The following DNAH12 variants were observed in gnomAD, a reference collection of about 807,000 sequenced individuals.
DNAH12 encodes axonemal beta dynein heavy chain 12.
DNAH12 carries 285 observed loss-of-function variants against 371.5 expected under a neutral mutation model. The ratio of observed to expected loss-of-function variants is 0.77; its 90% CI spans 0.70 to 0.85. The LOEUF is 0.85. DNAH12 is among the 40% of genes least tolerant of loss of function. The pLI, the probability that DNAH12 is intolerant of heterozygous loss-of-function variation, is 0.00. For synonymous variants in DNAH12, 1,200 were observed against 1,213.0 expected (o/e 0.99, Z 0.22); for missense variants, 3,611 against 3,689.4 (o/e 0.98, Z 0.55).
At chr3:57,521,063 CAAAAAAAAAAAAAAAAAAA>C (rs61570396) in intron 4 of DNAH12, among the ~76,000 whole-genome samples, 40 of 54,476 alleles carry the variant, frequency 7.3e-4, no homozygotes, top group Middle Eastern at 0.016. Context: ...GACTCTGTCT[CAAAAAAAAAAAAAAAAAAA>C]AAAAAAAAAA....
chr3:57,329,871 A>G (rs1575461095), intron 62 of DNAH12, among the ~76,000 whole-genome samples: 1 of 152,198 alleles, frequency 6.6e-6, no homozygotes, highest in South Asian at 2.1e-4. Context: ...TACAAGAAGA[A>G]AACAAACAAC....
In DNAH12 at chr3:57,389,839, T is replaced by TATATATATATATAAAA. The variant is rs1326237791; in HGVS notation, c.7305+2032_7305+2033insTTTTATATATATATAT. On this transcript the variant is annotated intron_variant, in intron 45 of 73. Coordinates refer to ENST00000495027, the MANE Select transcript of DNAH12 (RefSeq NM_001366028.2). ...GTGTGTGTGTATATATATATATATA[T>TATATATATATATAAAA]AATACTTTTTTTTTTGAAATGGAGT... 1.9e-4 allele frequency among the ~76,000 whole-genome samples: 16 copies of TATATATATATATAAAA among 84,884 alleles called. 2 individuals carry two copies. The highest frequency in any genetic ancestry group is 1.5e-3 in the East Asian group (2 of 1,334). 55.7% of individuals were successfully genotyped at this position (84,884 alleles called of 152,430 possible). A position where few individuals can be genotyped will look rare whatever the true frequency, so the allele number is the denominator to read the frequency against.
At chr3:57,555,387 C>T in the DNAH12 span, among the ~76,000 whole-genome samples, 1 of 152,158 alleles carries the variant, frequency 6.6e-6, no homozygotes, top group South Asian at 2.1e-4. Context: ...TTCCTATTTA[C>T]TAACTAAAAA....
At chr3:57,395,067 A>C (rs952602191) in intron 43 of DNAH12, among the ~76,000 whole-genome samples, 12 of 152,194 alleles carry the variant, frequency 7.9e-5, no homozygotes, top group African/African-American at 2.2e-4. Flanking sequence ...AAAGGGAGGT[A>C]AATGCGTAAA....
intron 11 of DNAH12, among the ~76,000 whole-genome samples, chr3:57,500,154 C>T (rs549191865): frequency 1.2e-5 from 1 of 85,326 alleles, no homozygotes; most frequent in South Asian, 5.2e-4. Flanking sequence ...GATCCTACTC[C>T]TCAGCCCCCC....
chr3:57,296,295 C>A, intron 72 of DNAH12, 49 bp downstream of exon 72: 1 of 1,388,866 alleles, frequency 7.2e-7, no homozygotes, highest in Non-Finnish European at 9.8e-7. Flanking sequence ...CTTATCTTAT[C>A]TATGATTCAG....
At chr3:57,449,692 C>T (rs1338078630) in intron 25 of DNAH12, among the ~76,000 whole-genome samples, 2 of 152,194 alleles carry the variant, frequency 1.3e-5, no homozygotes, top group Non-Finnish European at 2.9e-5. Context: ...GGCCCGCAAG[C>T]GCCGCACGCA....
At chr3:57,502,218 T>G in intron 10 of DNAH12, 105 bp downstream of exon 10, 1 of 1,458,060 alleles carries the variant, frequency 6.9e-7, no homozygotes, top group South Asian at 1.3e-5. Context: ...CACTTCTGGC[T>G]CTCCCTGTTC....
chr3:57,416,747 C>T (rs1315911919), intron 37 of DNAH12, among the ~76,000 whole-genome samples: 1 of 151,914 alleles, frequency 6.6e-6, no homozygotes, highest in Non-Finnish European at 1.5e-5. Context: ...AATATTTGTC[C>T]AAAAGCAAAC....
intron 4 of DNAH12, among the ~76,000 whole-genome samples, chr3:57,511,985 T>C (rs2068016820): frequency 6.6e-6 from 1 of 151,980 alleles, no homozygotes; most frequent in African/African-American, 2.4e-5. Flanking sequence ...AAGTCTTTTA[T>C]AACTTGAGTA....
intron 69 of DNAH12, among the ~76,000 whole-genome samples, chr3:57,307,743 T>TATTC (rs2061501499): frequency 6.6e-6 from 1 of 152,180 alleles, no homozygotes; most frequent in Non-Finnish European, 1.5e-5. Flanking sequence ...CCTCCCACAT[T>TATTC]ATTCCTGATA....
At chr3:57,480,823 T>C (rs1240471166) in intron 13 of DNAH12, among the ~76,000 whole-genome samples, 3 of 152,286 alleles carry the variant, frequency 2.0e-5, no homozygotes, top group Admixed American at 2.0e-4. Context: ...AAAAACCATA[T>C]GATTATCTCA....
the DNAH12 span, among the ~76,000 whole-genome samples, chr3:57,555,571 G>C: frequency 6.6e-6 from 1 of 152,186 alleles, no homozygotes; most frequent in African/African-American, 2.4e-5. Context: ...TCCGCAGTTT[G>C]TCAGTACTAT....
chr3:57,410,109 G>T (rs549677406), intron 39 of DNAH12, among the ~76,000 whole-genome samples: 2 of 152,292 alleles, frequency 1.3e-5, no homozygotes, highest in East Asian at 3.9e-4. Context: ...GAAACTAATA[G>T]TTGAAAAGTG....
intron 29 of DNAH12, among the ~76,000 whole-genome samples, chr3:57,437,812 A>G (rs2065175764): frequency 6.6e-6 from 1 of 152,244 alleles, no homozygotes; most frequent in African/African-American, 2.4e-5. Context: ...CAGAATGCTT[A>G]GATCCCAAAA....
chr3:57,476,063 T>G (rs991736450), intron 13 of DNAH12, among the ~76,000 whole-genome samples: 1 of 152,072 alleles, frequency 6.6e-6, no homozygotes, highest in Non-Finnish European at 1.5e-5. Context: ...ATGGATACAA[T>G]ATGGAGTGGA....
chr3:57,429,167 T>C (rs2064875945), intron 33 of DNAH12, among the ~76,000 whole-genome samples: 1 of 127,116 alleles, frequency 7.9e-6, no homozygotes, highest in Non-Finnish European at 1.7e-5. Flanking sequence ...AGATGCTCAC[T>C]CCTCTCCACA....
At chr3:57,417,019 G>C (rs1293031771) in intron 37 of DNAH12, among the ~76,000 whole-genome samples, 1 of 152,178 alleles carries the variant, frequency 6.6e-6, no homozygotes. Flanking sequence ...GGGAGGCCGA[G>C]GCAGGTGGAT....
At chr3:57,340,387 A>G (rs1553655680) in intron 60 of DNAH12, among the ~76,000 whole-genome samples, 1 of 152,094 alleles carries the variant, frequency 6.6e-6, no homozygotes, top group Non-Finnish European at 1.5e-5. Flanking sequence ...GGTTTTTCAA[A>G]AAGATCAACA....
Sources: allele counts gnomAD v4.1 joint callset (sites outside exome capture counted in the v4.1 genomes callset), GRCh38; gene constraint gnomAD v4.1.1; transcripts MANE v1.5; gene names NCBI Gene and HGNC (gene_info 2026-07-23, HGNC 2026-07-21).